The following EYS variants were observed in gnomAD, a reference collection of about 807,000 sequenced individuals.
EYS encodes the protein protein eyes shut homolog.
A neutral mutation model predicts 282.1 loss-of-function variants in EYS; 250 were observed. The observed-to-expected ratio is 0.89, with a 90% CI of 0.80 to 0.98. The LOEUF (loss-of-function observed/expected upper bound fraction) is 0.98, where lower values mean the gene tolerates loss of function less well. EYS is among the 50% of genes least tolerant of loss of function. EYS has a pLI of 0.00. For synonymous variants in EYS, 1,355 were observed against 1,282.9 expected (o/e 1.06, Z -1.20); for missense variants, 4,016 against 3,709.0 (o/e 1.08, Z -2.15).
chr6:63,886,071 GTAGT>G, intron 35 of EYS, among the ~76,000 whole-genome samples: 1 of 152,238 alleles, frequency 6.6e-6, no homozygotes, highest in East Asian at 1.9e-4. Context: ...AGATTTCCTG[GTAGT>G]TAGGGTAAGA....
At chr6:65,530,770 A>G (rs1767737901) in intron 2 of EYS, among the ~76,000 whole-genome samples, 2 of 152,172 alleles carry the variant, frequency 1.3e-5, no homozygotes, top group Admixed American at 1.3e-4. Flanking sequence ...TGAATTTGAA[A>G]GGACATCATG....
chr6:65,260,517 A>G (rs1767592738), intron 12 of EYS, among the ~76,000 whole-genome samples: 3 of 152,036 alleles, frequency 2.0e-5, no homozygotes, highest in Admixed American at 2.0e-4. Flanking sequence ...CACTTTTTCC[A>G]TAAAGCTTTT....
At chr6:64,310,053 T>C (rs1419810970) in intron 29 of EYS, among the ~76,000 whole-genome samples, 2 of 128,854 alleles carry the variant, frequency 1.6e-5, no homozygotes, top group African/African-American at 7.0e-5. Context: ...TGGCTATTTA[T>C]TAAAAGTAAA....
intron 31 of EYS, among the ~76,000 whole-genome samples, chr6:64,113,083 C>A (rs1345966452): frequency 1.3e-5 from 2 of 151,948 alleles, no homozygotes; most frequent in Non-Finnish European, 2.9e-5. Flanking sequence ...AGTTGATAAA[C>A]AAAAAGTTTA....
chr6:65,488,736 G>T (rs994891311), intron 5 of EYS, among the ~76,000 whole-genome samples: 3 of 152,036 alleles, frequency 2.0e-5, no homozygotes. Flanking sequence ...TTACTACAAG[G>T]CTACAGTAAC....
chr6:65,416,392 CA>C (rs1399700833), intron 5 of EYS, among the ~76,000 whole-genome samples: 3 of 151,762 alleles, frequency 2.0e-5, no homozygotes, highest in Non-Finnish European at 4.4e-5. Context: ...ATTTTTATCT[CA>C]AAAAAGTCTC....
chr6:64,044,753 T>C (rs1375872221), intron 33 of EYS, among the ~76,000 whole-genome samples: 1 of 152,224 alleles, frequency 6.6e-6, no homozygotes, highest in Non-Finnish European at 1.5e-5. Context: ...AAAAATATGA[T>C]AAACTTTATG....
intron 37 of EYS, among the ~76,000 whole-genome samples, chr6:63,798,987 GTA>G (rs56290982): frequency 0.053 from 4,565 of 85,646 alleles, 76 homozygotes; most frequent in Middle Eastern, 0.14. Context: ...GTATATGTGT[GTA>G]TATATATATA....
intron 31 of EYS, among the ~76,000 whole-genome samples, chr6:64,124,784 C>G (rs1773705776): frequency 1.3e-5 from 2 of 152,128 alleles, no homozygotes; most frequent in South Asian, 2.1e-4. Context: ...AATAATCAAA[C>G]ATAATCAGAA....
chr6:65,543,995 A>G (rs561168917), intron 2 of EYS, among the ~76,000 whole-genome samples: 11 of 104,010 alleles, frequency 1.1e-4, no homozygotes, highest in Non-Finnish European at 1.1e-4. Flanking sequence ...TTACTGAAAA[A>G]GAGAAAGTGT....
intron 30 of EYS, among the ~76,000 whole-genome samples, chr6:64,235,196 G>C (rs914144444): frequency 4.0e-5 from 6 of 150,444 alleles, no homozygotes; most frequent in African/African-American, 7.4e-5. Context: ...CCATTAACTC[G>C]TCATTTAGCA....
rs111904837 is a variant in EYS, at chr6:65,335,654, C to T, written c.1600-508G>A. Among the ~76,000 whole-genome samples the T allele has an allele frequency of 3.5e-3, 527 of 151,722 alleles. 1 individual carries two copies. Among genetic ancestry groups the T allele is most frequent in the Middle Eastern group, 0.024 (7 of 294 alleles). On this transcript the variant is annotated intron_variant, in intron 10 of 42. Transcript: ENST00000503581. Reference sequence around the variant, plus strand: ...GATGTATGTTACATACATGTTTACTCATTGAACATGTGCTTGCCTGTCCCC... The same window carrying T: ...GATGTATGTTACATACATGTTTACTTATTGAACATGTGCTTGCCTGTCCCC...
intron 37 of EYS, among the ~76,000 whole-genome samples, chr6:63,802,608 G>A (rs189791887): frequency 1.5e-3 from 223 of 152,112 alleles, no homozygotes; most frequent in African/African-American, 5.1e-3. Context: ...TAATATATGT[G>A]TGAAGAGCTC....
chr6:65,441,741 C>T (rs1582296734), intron 5 of EYS, among the ~76,000 whole-genome samples: 1 of 152,026 alleles, frequency 6.6e-6, no homozygotes, highest in East Asian at 1.9e-4. Flanking sequence ...AACTGTAGAA[C>T]TTGAAGGGAC....
chr6:65,423,844 G>T (rs1562171141), intron 5 of EYS, among the ~76,000 whole-genome samples: 1 of 151,732 alleles, frequency 6.6e-6, no homozygotes, highest in Non-Finnish European at 1.5e-5. Flanking sequence ...TCTTCTAATT[G>T]CCCTGCTATA....
chr6:64,084,343 A>G (rs1226963939), intron 31 of EYS, among the ~76,000 whole-genome samples: 2 of 152,204 alleles, frequency 1.3e-5, no homozygotes, highest in African/African-American at 4.8e-5. Context: ...TAAGTTAAGT[A>G]GGCAAGGATG....
At chr6:65,339,304 C>A (rs764991734) in intron 10 of EYS, among the ~76,000 whole-genome samples, 1 of 150,976 alleles carries the variant, frequency 6.6e-6, no homozygotes, top group South Asian at 2.1e-4. Flanking sequence ...ATTTTAATTG[C>A]GAACTTGAAC....
At chr6:65,381,517 T>C (rs993120197) in intron 8 of EYS, among the ~76,000 whole-genome samples, 2 of 151,458 alleles carry the variant, frequency 1.3e-5, no homozygotes, top group African/African-American at 4.8e-5. Context: ...ACCTAATGCA[T>C]GTGGGGCTTA....
At chr6:65,605,395 AT>A (rs1765751115) in intron 2 of EYS, among the ~76,000 whole-genome samples, 1 of 151,994 alleles carries the variant, frequency 6.6e-6, no homozygotes, top group African/African-American at 2.4e-5. Context: ...AAAATAAATT[AT>A]AATACACAAG....
Sources: allele counts gnomAD v4.1 joint callset (sites outside exome capture counted in the v4.1 genomes callset), GRCh38; gene constraint gnomAD v4.1.1; transcripts MANE v1.5; gene names NCBI Gene and HGNC (gene_info 2026-07-23, HGNC 2026-07-21).